The following CTNNA2 variants were observed in gnomAD, a reference collection of about 807,000 sequenced individuals.
CTNNA2 encodes catenin alpha-2.
In CTNNA2, 42 loss-of-function variants were observed where a neutral mutation model predicts 101.0. The observed-to-expected ratio is 0.42, with a 90% CI of 0.32 to 0.54. The LOEUF (loss-of-function observed/expected upper bound fraction) is 0.54. CTNNA2 is among the 20% of genes least tolerant of loss of function. The pLI, the probability that CTNNA2 is intolerant of heterozygous loss-of-function variation, is 0.14. For synonymous variants in CTNNA2, 450 were observed against 456.4 expected, an observed-to-expected ratio of 0.99 and a Z score of 0.18; for missense variants, 871 against 1,223.1, an observed-to-expected ratio of 0.71 and a Z score of 4.29.
intron 7 of CTNNA2, among the ~76,000 whole-genome samples, chr2:79,981,345 T>G (rs1053747802): frequency 6.6e-6 from 1 of 152,172 alleles, no homozygotes; most frequent in African/African-American, 2.4e-5. Context: ...ACTATTACAG[T>G]GAGTCTTCAA....
At chr2:80,295,951 A>G (rs1675701324) in intron 7 of CTNNA2, among the ~76,000 whole-genome samples, 1 of 152,178 alleles carries the variant, frequency 6.6e-6, no homozygotes, top group Admixed American at 6.5e-5. Flanking sequence ...CAGTTCTTGT[A>G]TCTCTAGACT....
At chr2:79,598,409 T>C (rs1677337714) in intron 1 of CTNNA2, among the ~76,000 whole-genome samples, 1 of 152,238 alleles carries the variant, frequency 6.6e-6, no homozygotes, top group Admixed American at 6.5e-5. Context: ...AGTGGCTGTA[T>C]GATTTCGCAT....
At position 80,647,968 on chromosome 2, in the gene CTNNA2, C is replaced by T. The variant is rs536594736; in HGVS notation, c.*96C>T. 8 of 1,200,078 alleles carry T rather than the reference C, an allele frequency of 6.7e-6. No individual in the cohort carries two copies. Among genetic ancestry groups the T allele is most frequent in the Non-Finnish European group, 9.2e-6 (8 of 865,684 alleles). 74.3% of individuals were successfully genotyped at this position (1,200,078 alleles called of 1,614,324 possible). ...GTATGCATACCTGCCAGCTCGTATGCCTCTGGCATGGGGAAATTAAGGGAA... is the reference window on the plus strand; with the variant it reads ...GTATGCATACCTGCCAGCTCGTATGTCTCTGGCATGGGGAAATTAAGGGAA... On this transcript the variant is annotated 3_prime_UTR_variant, in exon 19 of 19. Transcript: ENST00000402739.
intron 7 of CTNNA2, among the ~76,000 whole-genome samples, chr2:80,305,880 A>G (rs1056671305): frequency 1.3e-5 from 2 of 152,158 alleles, no homozygotes; most frequent in Non-Finnish European, 2.9e-5. Context: ...GGAGAGTCAA[A>G]TGTGAGTCTC....
chr2:79,453,542 A>G (rs1305025124), intron 4 of CTNNA2, among the ~76,000 whole-genome samples: 1 of 152,150 alleles, frequency 6.6e-6, no homozygotes, highest in Non-Finnish European at 1.5e-5. Flanking sequence ...ACCTGCTCAA[A>G]TCAAGTCACA....
intron 7 of CTNNA2, among the ~76,000 whole-genome samples, chr2:79,997,331 G>A (rs1477945232): frequency 6.7e-6 from 1 of 149,176 alleles, no homozygotes; most frequent in Non-Finnish European, 1.5e-5. Context: ...GAGGGAGGGA[G>A]GGAAGGAAGG....
intron 9 of CTNNA2, among the ~76,000 whole-genome samples, chr2:80,517,345 G>C (rs1011868249): frequency 8.5e-5 from 13 of 152,204 alleles, no homozygotes; most frequent in African/African-American, 2.9e-4. Flanking sequence ...GGGGACCACG[G>C]ATGGATTTGC....
chr2:80,106,855 G>T (rs1700919152), intron 7 of CTNNA2, among the ~76,000 whole-genome samples: 1 of 152,108 alleles, frequency 6.6e-6, no homozygotes, highest in African/African-American at 2.4e-5. Flanking sequence ...ATTCTAGTAG[G>T]AGTCTCAGTA....
At chr2:79,377,933 C>T (rs6547233) in intron 4 of CTNNA2, among the ~76,000 whole-genome samples, 63,091 of 151,878 alleles carry the variant, frequency 0.42, 13,352 homozygotes, top group Non-Finnish European at 0.45. Flanking sequence ...CTTTAAACTG[C>T]GGCAGGCTAA....
At chr2:80,518,236 G>T (rs1190916619) in intron 9 of CTNNA2, among the ~76,000 whole-genome samples, 1 of 152,202 alleles carries the variant, frequency 6.6e-6, no homozygotes, top group Non-Finnish European at 1.5e-5. Flanking sequence ...AGAGTGAGCT[G>T]ATGATCTCTA....
intron 18 of CTNNA2, among the ~76,000 whole-genome samples, chr2:80,633,112 T>C (rs936953074): frequency 3.3e-5 from 5 of 152,190 alleles, no homozygotes; most frequent in Admixed American, 2.0e-4. Flanking sequence ...TCAGATGGTA[T>C]AGATGATAAC....
At chr2:79,243,960 T>G (rs1183160819) in intron 2 of CTNNA2, among the ~76,000 whole-genome samples, 7 of 152,138 alleles carry the variant, frequency 4.6e-5, no homozygotes. Flanking sequence ...TTCCTTTCTG[T>G]TATTTTTCAG....
intron 2 of CTNNA2, among the ~76,000 whole-genome samples, chr2:79,653,372 G>A (rs540798402): frequency 1.6e-4 from 25 of 152,230 alleles, no homozygotes; most frequent in African/African-American, 4.3e-4. Flanking sequence ...TGTTACCACC[G>A]TTGTAGGATT....
At chr2:80,223,486 C>G (rs187625440) in intron 7 of CTNNA2, among the ~76,000 whole-genome samples, 1,657 of 152,294 alleles carry the variant, frequency 0.011, 15 homozygotes, top group Non-Finnish European at 0.018. Context: ...GTTGGTCAGG[C>G]TGGTCTCAAA....
intron 2 of CTNNA2, among the ~76,000 whole-genome samples, chr2:79,278,029 C>G (rs1675258767): frequency 6.6e-6 from 1 of 152,078 alleles, no homozygotes; most frequent in African/African-American, 2.4e-5. Context: ...AATTCACCTT[C>G]TACAGCATAC....
At chr2:79,993,881 GTTTTGTTTTGTT>G (rs1692355512) in intron 7 of CTNNA2, among the ~76,000 whole-genome samples, 3 of 152,026 alleles carry the variant, frequency 2.0e-5, no homozygotes, top group African/African-American at 7.2e-5. Flanking sequence ...TTGTTGGTTT[GTTTTGTTTTGTT>G]TTTTGTTTTG....
At position 80,197,980 on chromosome 2, in the gene CTNNA2, A is replaced by G. The variant is rs571759335; in HGVS notation, c.1057-195231A>G. On this transcript the variant is annotated intron_variant, in intron 7 of 18. Coordinates refer to ENST00000402739, the MANE Select transcript of CTNNA2 (RefSeq NM_001282597.3). ...GACATCCCACTTCCCCATGTATCCT[A>G]CCCACTGAACATTTATGACTGTGGC... Among the ~76,000 whole-genome samples the G allele has an allele frequency of 2.0e-5, 3 of 152,246 alleles. No individual in the cohort carries two copies. The South Asian group carries it at 6.2e-4, about 32-fold the overall frequency.
intron 4 of CTNNA2, among the ~76,000 whole-genome samples, chr2:79,426,867 T>C (rs1333070899): frequency 6.6e-6 from 1 of 152,160 alleles, no homozygotes; most frequent in African/African-American, 2.4e-5. Flanking sequence ...AGCAGTGAGA[T>C]AAATAGACAA....
intron 9 of CTNNA2, among the ~76,000 whole-genome samples, chr2:80,494,740 T>G (rs1687320226): frequency 6.6e-6 from 1 of 152,016 alleles, no homozygotes; most frequent in African/African-American, 2.4e-5. Flanking sequence ...AAAGATAATT[T>G]CTAATAAAAG....
Sources: allele counts gnomAD v4.1 joint callset (sites outside exome capture counted in the v4.1 genomes callset), GRCh38; gene constraint gnomAD v4.1.1; transcripts MANE v1.5; gene names NCBI Gene and HGNC (gene_info 2026-07-23, HGNC 2026-07-21).